The following PGCKA1 variants were observed in gnomAD, a reference collection of about 807,000 sequenced individuals.
The protein encoded by PGCKA1 is PDCD10 and GCKIII kinases-associated protein 1.
chr4:37,527,041 G>A, the PGCKA1 span, among the ~76,000 whole-genome samples: 1 of 151,974 alleles, frequency 6.6e-6, no homozygotes, highest in Non-Finnish European at 1.5e-5. Context: ...CCGTGCGTAG[G>A]CCTAAGCTAA....
At chr4:37,462,710 T>C in the PGCKA1 span, among the ~76,000 whole-genome samples, 1 of 152,164 alleles carries the variant, frequency 6.6e-6, no homozygotes, top group African/African-American at 2.4e-5. Context: ...TTTTTATTTT[T>C]TTTCAATTCA....
At chr4:37,462,142 CAA>C in the PGCKA1 span, among the ~76,000 whole-genome samples, 3 of 150,564 alleles carry the variant, frequency 2.0e-5, no homozygotes, top group Admixed American at 1.3e-4. Flanking sequence ...ATTTAAATTC[CAA>C]ATCTGTATGT....
At chr4:37,559,603 GATAAAATAAA>G in the PGCKA1 span, among the ~76,000 whole-genome samples, 1 of 151,758 alleles carries the variant, frequency 6.6e-6, no homozygotes, top group East Asian at 1.9e-4. Context: ...ATAATAATAA[GATAAAATAAA>G]ATAAATTCAG....
the PGCKA1 span, among the ~76,000 whole-genome samples, chr4:37,466,758 C>A: frequency 1.3e-5 from 2 of 152,228 alleles, no homozygotes; most frequent in South Asian, 4.2e-4. Context: ...TACAAGTTTT[C>A]TTGCAGTATT....
At chr4:37,493,051 GAT>G in the PGCKA1 span, among the ~76,000 whole-genome samples, 1 of 151,892 alleles carries the variant, frequency 6.6e-6, no homozygotes, top group African/African-American at 2.4e-5. Flanking sequence ...TATGTGTATA[GAT>G]ATATATATGT....
the PGCKA1 span, among the ~76,000 whole-genome samples, chr4:37,477,904 A>T: frequency 6.6e-6 from 1 of 152,310 alleles, no homozygotes; most frequent in South Asian, 2.1e-4. Flanking sequence ...TTATCCTGTG[A>T]TCTGCGAGCA....
the PGCKA1 span, among the ~76,000 whole-genome samples, chr4:37,586,232 C>T: frequency 6.6e-6 from 1 of 152,140 alleles, no homozygotes; most frequent in Non-Finnish European, 1.5e-5. Flanking sequence ...CCTGAGCCCA[C>T]CCTCATAACA....
the PGCKA1 span, among the ~76,000 whole-genome samples, chr4:37,523,334 C>T: frequency 6.6e-6 from 1 of 152,110 alleles, no homozygotes; most frequent in Non-Finnish European, 1.5e-5. Context: ...CTCTCTGCAC[C>T]ACGCTGCCAT....
the PGCKA1 span, chr4:37,591,116 T>C: frequency 3.7e-6 from 3 of 817,452 alleles, no homozygotes; most frequent in Non-Finnish European, 5.7e-6. Context: ...GCCTTACCAG[T>C]TGTTTACATC....
At chr4:37,571,355 C>CATTTTTTTTTTTTTTTT in the PGCKA1 span, among the ~76,000 whole-genome samples, 5 of 78,036 alleles carry the variant, frequency 6.4e-5, 2 homozygotes, top group Non-Finnish European at 1.1e-4. Context: ...GACTATTATC[C>CATTTTTTTTTTTTTTTT]TTTTTTTTTT....
the PGCKA1 span, among the ~76,000 whole-genome samples, chr4:37,465,815 G>C: frequency 6.6e-6 from 1 of 152,134 alleles, no homozygotes. Flanking sequence ...TGTCCTGTAA[G>C]CTTGGTGAGG....
chr4:37,492,089 T>C, the PGCKA1 span, among the ~76,000 whole-genome samples: 1,082 of 151,998 alleles, frequency 7.1e-3, 6 homozygotes, highest in Non-Finnish European at 0.011. The surrounding 1 kb of genome is among the most constrained non-coding windows in gnomAD (Gnocchi z 4.7). Context: ...TCTACCAGGC[T>C]GGAGTGCAGT....
At chr4:37,518,752 C>T in the PGCKA1 span, among the ~76,000 whole-genome samples, 1 of 152,122 alleles carries the variant, frequency 6.6e-6, no homozygotes, top group Admixed American at 6.6e-5. Context: ...GTTTCCTTTG[C>T]TGTGCAGAGC....
chr4:37,565,209 C>T, the PGCKA1 span, among the ~76,000 whole-genome samples: 2 of 152,202 alleles, frequency 1.3e-5, no homozygotes, highest in African/African-American at 4.8e-5. Flanking sequence ...CCTTCCGTTT[C>T]ATTCTAGTCA....
At chr4:37,489,898 T>A in the PGCKA1 span, among the ~76,000 whole-genome samples, 4 of 152,288 alleles carry the variant, frequency 2.6e-5, no homozygotes, top group African/African-American at 9.6e-5. Context: ...TAAATGGGAT[T>A]GCTGTAGCCA....
chr4:37,479,369 A>AT, the PGCKA1 span, among the ~76,000 whole-genome samples: 39 of 151,060 alleles, frequency 2.6e-4, no homozygotes, highest in South Asian at 1.9e-3. Context: ...TGCTCATTTT[A>AT]TTTTTTTTTG....
At chr4:37,460,514 T>C in the PGCKA1 span, 1 of 450,686 alleles carries the variant, frequency 2.2e-6, no homozygotes, top group Non-Finnish European at 4.4e-6. Context: ...TTCTTGACTT[T>C]TTAATAATCA....
the PGCKA1 span, among the ~76,000 whole-genome samples, chr4:37,545,007 C>T: frequency 3.7e-3 from 566 of 152,090 alleles, 1 homozygote; most frequent in African/African-American, 0.013. Context: ...AGGCATGTAC[C>T]ACCACACCTG....
chr4:37,503,323 T>G, the PGCKA1 span, among the ~76,000 whole-genome samples: 1 of 152,184 alleles, frequency 6.6e-6, no homozygotes, highest in African/African-American at 2.4e-5. Context: ...TTGGCTTCAG[T>G]GTCTTCCTTC....
Sources: gnomAD v4.1 joint callset for allele counts (sites outside exome capture counted in the v4.1 genomes callset) on GRCh38, gnomAD v4.1.1 for gene constraint, Gnocchi (gnomAD v3.1) non-coding constraint, MANE v1.5 for transcripts, NCBI Gene and HGNC (gene_info 2026-07-23, HGNC 2026-07-21) for gene names.